The following UBR1 variants were observed in gnomAD, a reference collection of about 807,000 sequenced individuals.
UBR1 encodes E3 ubiquitin-protein ligase UBR1.
UBR1 carries 102 observed loss-of-function variants against 242.1 expected under a neutral mutation model. The observed-to-expected ratio is 0.42, with a 90% CI of 0.36 to 0.50. The LOEUF is 0.50. Ranked by LOEUF, UBR1 falls within the 20% of genes least tolerant of loss-of-function variation. The pLI is 0.01. For synonymous variants in UBR1, 675 were observed against 684.8 expected (o/e 0.99, Z 0.22); for missense variants, 1,772 against 2,101.8 (o/e 0.84, Z 3.07).
intron 37 of UBR1, among the ~76,000 whole-genome samples, chr15:42,983,665 CAATAATAAT>C (rs60519719): frequency 3.1e-4 from 42 of 137,358 alleles, no homozygotes; most frequent in African/African-American, 8.8e-4. Context: ...AACTCCCACT[CAATAATAAT>C]AATAATAATA....
At chr15:43,072,357 C>G (rs950736294) in intron 4 of UBR1, among the ~76,000 whole-genome samples, 2 of 152,198 alleles carry the variant, frequency 1.3e-5, no homozygotes, top group African/African-American at 2.4e-5. Flanking sequence ...TCCCAAAGTG[C>G]TGGGATTACA....
At chr15:43,059,267 G>C in intron 8 of UBR1, 75 bp from the exon 9 acceptor site, 1 of 1,350,992 alleles carries the variant, frequency 7.4e-7, no homozygotes. Context: ...GTCTCACTCT[G>C]TTGCCCAGGT....
rs2032671570 is a variant in UBR1, at chr15:42,998,341, C to G, written c.3660-76G>C. On this transcript the variant is annotated intron_variant, in intron 32 of 46. Coordinates refer to ENST00000290650, the MANE Select transcript of UBR1 (RefSeq NM_174916.3). ...GGAAAAGCTGAATTTGTATTATTTC[C>G]TTGGATAAATGGTCATATAAAAAAG... 2.3e-6 allele frequency: 3 copies of G among 1,322,312 alleles called. No homozygotes were observed. The African/African-American group carries it at 4.4e-5, about 19-fold the overall frequency. The allele number at this position is 1,322,312 out of a possible 1,614,324, so 81.9% of individuals were successfully genotyped here.
chr15:43,058,270 CCT>C (rs1438588240), intron 10 of UBR1, 69 bp downstream of exon 10: 3 of 993,358 alleles, frequency 3.0e-6, no homozygotes, highest in East Asian at 2.6e-5. Flanking sequence ...CATAATTATC[CCT>C]GTTTCTATTA....
rs774341055 is a variant in UBR1, at chr15:43,048,423, C to A, written c.1508G>T (p.Arg503Leu). Residue 503 changes from arginine to leucine, a missense_variant, in exon 13 of 47, where the codon CGA (arginine) becomes CTA (leucine). Arg to Leu is a moderately radical substitution (Grantham distance 102). This residue lies in a region of UBR1 where 734 missense variants were observed against 893.3 expected (regional missense o/e 0.82). Transcript: ENST00000290650. ...RLRMQFLEGFRSFLKILTCMQ... is the reference protein window; with the variant it reads ...RLRMQFLEGFLSFLKILTCMQ... ...ACAGGTAAGAATCTTCAAAAAAGAT[C>A]GAAAACCTTCAAGGAACTGCATTCT... is the stretch of plus-strand genomic sequence containing the variant. 3 of 1,613,338 alleles carry A rather than the reference C, an allele frequency of 1.9e-6. No homozygotes were observed. The highest frequency in any genetic ancestry group is 4.5e-5 in the East Asian group (2 of 44,804).
At chr15:42,977,015 T>C (rs2032302153) in intron 38 of UBR1, 148 bp from the exon 39 acceptor site, 4 of 864,958 alleles carry the variant, frequency 4.6e-6, no homozygotes, top group Non-Finnish European at 5.5e-6. Flanking sequence ...ATTTATTCAA[T>C]AGAATATCTT....
intron 30 of UBR1, 87 bp from the exon 31 acceptor site, chr15:43,004,017 G>A: frequency 8.7e-7 from 1 of 1,150,394 alleles, no homozygotes; most frequent in Non-Finnish European, 1.3e-6. Context: ...GAATGTCCAA[G>A]CAAAGTGTCA....
intron 44 of UBR1, among the ~76,000 whole-genome samples, chr15:42,953,878 ATTC>A (rs1202684300): frequency 3.4e-5 from 5 of 147,788 alleles, no homozygotes; most frequent in African/African-American, 1.2e-4. Context: ...ACAACTTGAT[ATTC>A]TTTTTTTTTT....
In UBR1 at chr15:42,984,857, G is replaced by A. The variant is rs112219112; in HGVS notation, c.4053+30C>T. 194 of 1,592,432 alleles carry A rather than the reference G, an allele frequency of 1.2e-4. 2 individuals are homozygous for A. The African/African-American group carries it at 2.2e-3, about 18-fold the overall frequency. ...GGGGGGGAAAAAAGGCATGCCATGA[G>A]TTACATGTACCTTGTTGGAATATAC... is the stretch of plus-strand genomic sequence containing the variant. On this transcript the variant is annotated intron_variant, in intron 36 of 46. Coordinates refer to ENST00000290650, the MANE Select transcript of UBR1 (RefSeq NM_174916.3).
chr15:43,005,626 G>A (rs1195858784), intron 30 of UBR1, among the ~76,000 whole-genome samples: 20 of 152,236 alleles, frequency 1.3e-4, no homozygotes, highest in Non-Finnish European at 1.5e-5. Context: ...CCATGATGAC[G>A]ATGGCGGTTT....
chr15:42,948,129 T>C (rs1359421415), intron 46 of UBR1, among the ~76,000 whole-genome samples: 41 of 151,986 alleles, frequency 2.7e-4, no homozygotes, highest in Admixed American at 2.5e-3. Flanking sequence ...GAAATAATGC[T>C]GCATATCTAC....
In UBR1 at chr15:43,018,291, G is replaced by A. The variant is rs189369094; in HGVS notation, c.2941-1110C>T. ...GCTGGGACTACAGGCATGAGCCATC[G>A]CGCCCAGCTATCCTCGGAGACATTT... On this transcript the variant is annotated intron_variant, in intron 27 of 46. Transcript: ENST00000290650. Among the ~76,000 whole-genome samples, 26 of 152,178 alleles carry A rather than the reference G, an allele frequency of 1.7e-4. No individual in the cohort carries two copies. In the East Asian group the frequency reaches 4.1e-3, roughly 24 times the overall value.
In UBR1 at chr15:43,068,038, T is replaced by C. The variant is rs757604826; in HGVS notation, c.660-2A>G. ...CAATAGTATCTTTCATTTTTCTCCC[T>C]GTTAGAAAAAAAACATATATATTTG... On this transcript the variant is annotated splice_acceptor_variant, in intron 5 of 46. Coordinates refer to ENST00000290650, the MANE Select transcript of UBR1 (RefSeq NM_174916.3). LOFTEE classifies it high-confidence loss of function. 1 of 1,592,424 alleles carries C rather than the reference T, an allele frequency of 6.3e-7. No homozygotes were observed. Among genetic ancestry groups the C allele is most frequent in the Non-Finnish European group, 8.6e-7 (1 of 1,169,034 alleles).
At chr15:42,948,727 A>G (rs1342878287) in intron 46 of UBR1, among the ~76,000 whole-genome samples, 2 of 152,218 alleles carry the variant, frequency 1.3e-5, no homozygotes, top group African/African-American at 2.4e-5. Flanking sequence ...CAAAACCACA[A>G]TGAGATACCA....
At chr15:43,068,483 A>G (rs1231700198) in intron 5 of UBR1, among the ~76,000 whole-genome samples, 1 of 152,186 alleles carries the variant, frequency 6.6e-6, no homozygotes, top group East Asian at 1.9e-4. Flanking sequence ...CACTATGCCC[A>G]GCCCAGAATT....
At position 42,969,219 on chromosome 15, in the gene UBR1, A is replaced by G. The variant is rs571783088; in HGVS notation, c.4457+1301T>C. 1.9e-4 allele frequency among the ~76,000 whole-genome samples: 29 copies of G among 152,322 alleles called. No individual in the cohort carries two copies. The East Asian group carries it at 5.6e-3, about 29-fold the overall frequency. ...TTTAATGATTGCCATTCTAACTGGC[A>G]TGAAATGGTATCCCATTGTGCTTTT... On this transcript the variant is annotated intron_variant, in intron 40 of 46. Coordinates refer to ENST00000290650, the MANE Select transcript of UBR1 (RefSeq NM_174916.3).
At chr15:43,035,323 T>G (rs913110468) in intron 19 of UBR1, among the ~76,000 whole-genome samples, 8 of 152,252 alleles carry the variant, frequency 5.3e-5, no homozygotes, top group African/African-American at 1.7e-4. Context: ...TTTTCTAGAT[T>G]AAAAAGATTA....
intron 28 of UBR1, among the ~76,000 whole-genome samples, chr15:43,016,356 T>C (rs1320749766): frequency 1.3e-5 from 2 of 152,056 alleles, no homozygotes; most frequent in African/African-American, 4.8e-5. Flanking sequence ...GAACATGTAA[T>C]AACCACAAAT....
intron 1 of UBR1, among the ~76,000 whole-genome samples, chr15:43,098,933 C>G (rs370170541): frequency 1.3e-5 from 2 of 152,174 alleles, no homozygotes; most frequent in East Asian, 3.8e-4. Flanking sequence ...AAACTGTGCT[C>G]TGGCCTAAAA....
Sources: gnomAD v4.1 joint callset for allele counts (sites outside exome capture counted in the v4.1 genomes callset) on GRCh38, gnomAD v4.1.1 for gene constraint, gnomAD v4.1.1 regional missense constraint, MANE v1.5 for transcripts, NCBI Gene and HGNC (gene_info 2026-07-23, HGNC 2026-07-21) for gene names.